Variants in MUC17 observed in about 807,000 individuals in gnomAD.
MUC17 encodes mucin 17, cell surface associated, also known as mucin-17.
A neutral mutation model predicts 170.3 loss-of-function variants in MUC17; 190 were observed. The observed-to-expected ratio is 1.12, with a 90% CI of 0.99 to 1.26. The LOEUF is 1.26. Ranked by LOEUF, MUC17 falls within the 50% of genes most tolerant of loss-of-function variation. The pLI, the probability that MUC17 is intolerant of heterozygous loss-of-function variation, is 0.00. For synonymous variants in MUC17, 2,325 were observed against 2,002.5 expected (o/e 1.16, Z -4.30); for missense variants, 6,415 against 5,530.0 (o/e 1.16, Z -5.08).
rs377106802 is a variant in MUC17, at chr7:101,040,053, G to T, written c.8637G>T (p.Thr2879=). 2.5e-6 allele frequency: 4 copies of T among 1,613,040 alleles called. No individual in the cohort carries two copies. The South Asian group carries it at 4.4e-5, about 18-fold the overall frequency. ...TAACAAGTATACCTGTCAGCACCAC[G>T]CCGGTGGCCAGTTCTGAGGCTAGCA... ...TLLTSIPVST[T]PVASSEASTL... Residue 2879 remains threonine, a synonymous_variant, in exon 3 of 13, where the codon ACG becomes ACT. Transcript: ENST00000306151.
chr7:101,033,866 C>T lies in MUC17; in HGVS notation c.2450C>T (p.Pro817Leu), dbSNP rs771842676. 180 of 1,608,544 alleles carry T rather than the reference C, an allele frequency of 1.1e-4. No homozygotes were observed. Among genetic ancestry groups the T allele is most frequent in the Admixed American group, 1.7e-4 (10 of 59,548 alleles). Reference protein sequence around the residue: ...LLTSIPVSITPVTSPEASTLS... With the variant: ...LLTSIPVSITLVTSPEASTLS... ...ACAAGTATACCTGTCAGCATCACAC[C>T]GGTGACCAGTCCTGAGGCTAGCACC... The change falls in exon 3 of 13, where the codon CCG becomes CTG. Residue 817 changes from proline to leucine, a missense_variant. Transcript: ENST00000306151.
Position 101,043,210 on chromosome 7 carries a change from G to T in MUC17, c.11794G>T (p.Gly3932Ter). Residue 3932 changes from glycine (G) to a stop codon, truncating the protein, a stop_gained, in exon 3 of 13, where the codon GGA becomes TGA. Coordinates refer to ENST00000306151, the MANE Select transcript of MUC17 (RefSeq NM_001040105.2). LOFTEE classifies it high-confidence loss of function. ...CATATCTGTATCAGTGATCACAGAA[G>T]GAAGCACACCTGGGACAACCATTTT... The part of the protein sequence containing the change: ...TTISVSVITE[G>*]STPGTTIFIP... 6.2e-7 allele frequency: 1 copy of T among 1,614,100 alleles called. No homozygotes were observed.
At position 101,058,088 on chromosome 7, in the gene MUC17, G is replaced by A. The variant is rs1239344573; in HGVS notation, c.*44G>A. On this transcript the variant is annotated 3_prime_UTR_variant, in exon 13 of 13. Coordinates refer to ENST00000306151, the MANE Select transcript of MUC17 (RefSeq NM_001040105.2). ...CTGGGAGTGAGGAGATCCCAGTCCG[G>A]CTAAGCTTGGTGGAGCATTTTCCCA... The A allele has an allele frequency of 1.9e-6, 3 of 1,585,730 alleles. No homozygotes were observed. The highest frequency in any genetic ancestry group is 2.6e-6 in the Non-Finnish European group (3 of 1,155,256).
Position 101,033,257 on chromosome 7 carries a change from C to A in MUC17, c.1841C>A (p.Ala614Asp). The part of the protein sequence containing the change: ...SSEASSSSTT[A>D]EGTSMPTSTY... Reference sequence around the variant, plus strand: ...GAAGCTAGTTCATCTTCTACAACTGCTGAAGGTACCAGCATGCCAACCTCA... The same window carrying A: ...GAAGCTAGTTCATCTTCTACAACTGATGAAGGTACCAGCATGCCAACCTCA... The change falls in exon 3 of 13, where the codon GCT becomes GAT. Residue 614 changes from alanine to aspartate, a missense_variant. By Grantham distance (126) the Ala-to-Asp change is moderately radical (BLOSUM62 -2). Coordinates refer to ENST00000306151, the MANE Select transcript of MUC17 (RefSeq NM_001040105.2). 1 of 1,614,148 alleles carries A rather than the reference C, an allele frequency of 6.2e-7. No homozygotes were observed. Among genetic ancestry groups the A allele is most frequent in the Non-Finnish European group, 8.5e-7 (1 of 1,180,026 alleles).
rs1388654088 is a variant in MUC17, at chr7:101,043,820, G to C, written c.12403+1G>C. 1 of 1,581,332 alleles carries C rather than the reference G, an allele frequency of 6.3e-7. No individual in the cohort carries two copies. The highest frequency in any genetic ancestry group is 8.6e-7 in the Non-Finnish European group (1 of 1,163,660). On this transcript the variant is annotated splice_donor_variant, in intron 3 of 12. Coordinates refer to ENST00000306151, the MANE Select transcript of MUC17 (RefSeq NM_001040105.2). LOFTEE classifies it high-confidence loss of function. The stretch of plus-strand genomic sequence containing the variant: ...CCTACTGTGCCAAGAACCACAACAT[G>C]TAAGTGATTTCTTGAATTTTCCTTT...
rs373676381 is a variant in MUC17, at chr7:101,033,850, C to T, written c.2434C>T (p.Pro812Ser). The T allele has an allele frequency of 1.2e-6, 2 of 1,613,516 alleles. No homozygotes were observed. The highest frequency in any genetic ancestry group is 2.7e-5 in the African/African-American group (2 of 74,694). Residue 812 changes from proline (P) to serine (S), a missense_variant, in exon 3 of 13, where the codon CCT (proline) becomes TCT (serine). Coordinates refer to ENST00000306151, the MANE Select transcript of MUC17 (RefSeq NM_001040105.2). ...SEGSPLLTSI[P>S]VSITPVTSPE... ...AGGAAGTCCTTTATTAACAAGTATA[C>T]CTGTCAGCATCACACCGGTGACCAG... is the stretch of plus-strand genomic sequence containing the variant.
rs147089389 is a variant in MUC17, at chr7:101,038,786, C to G, written c.7370C>G (p.Pro2457Arg). The G allele has an allele frequency of 1.2e-6, 2 of 1,612,386 alleles. No individual in the cohort carries two copies. Among genetic ancestry groups the G allele is most frequent in the African/African-American group, 2.7e-5 (2 of 74,718 alleles). The change falls in exon 3 of 13, where the codon CCG becomes CGG. Residue 2457 changes from proline to arginine, a missense_variant. Physicochemically the swap from Pro to Arg is moderately radical, Grantham distance 103. Coordinates refer to ENST00000306151, the MANE Select transcript of MUC17 (RefSeq NM_001040105.2). ...PTSPPSEGTT[P>R]LASMPVSTTP... is the part of the protein sequence containing the mutation. ...TCACCTCCTAGTGAAGGAACCACTC[C>G]GTTAGCAAGTATGCCTGTCAGCACC...
rs201028335 is a variant in MUC17, at chr7:101,020,159, G to T, written c.24G>T (p.Ala8=). The T allele has an allele frequency of 4.4e-6, 7 of 1,607,698 alleles. No individual in the cohort carries two copies. The East Asian group carries it at 1.6e-4, about 36-fold the overall frequency. Residue 8 remains alanine, a synonymous_variant, in exon 1 of 13, where the codon GCG becomes GCT. Transcript: ENST00000306151. MPRPGTM[A]LCLLTLVLSL... ...CGATGCCAAGGCCAGGGACCATGGCGCTGTGTCTGCTGACCTTGGTCCTCT... is the reference window on the plus strand; with the variant it reads ...CGATGCCAAGGCCAGGGACCATGGCTCTGTGTCTGCTGACCTTGGTCCTCT...
chr7:101,033,129 A>C lies in MUC17; in HGVS notation c.1713A>C (p.Pro571=). Residue 571 remains proline (P), a synonymous_variant, in exon 3 of 13, where the codon CCA becomes CCC. Transcript: ENST00000306151. ...CAACTCCTAGTGAAGGAAGCACTCC[A>C]TTAACAAACATGCCTGTCAGCACCA... ...PTSTPSEGST[P]LTNMPVSTRL... is the part of the protein sequence containing the mutation. 6.2e-7 allele frequency: 1 copy of C among 1,612,044 alleles called. No homozygotes were observed.
chr7:101,032,746 A>G lies in MUC17; in HGVS notation c.1330A>G (p.Thr444Ala), dbSNP rs1794329080. The G allele has an allele frequency of 6.2e-7, 1 of 1,613,830 alleles. No homozygotes were observed. The highest frequency in any genetic ancestry group is 8.5e-7 in the Non-Finnish European group (1 of 1,179,960). ...AACTGCTGAAGATACCAGCATTGCA[A>G]CCTCAACTCCTAGTGAAGGAAGCAC... Reference protein sequence around the residue: ...PTTAEDTSIATSTPSEGSTPL... With the variant: ...PTTAEDTSIAASTPSEGSTPL... The change falls in exon 3 of 13, where the codon ACC (threonine) becomes GCC (alanine). Residue 444 changes from threonine (T) to alanine (A), a missense_variant. Thr to Ala is a moderately conservative substitution (Grantham distance 58). Transcript: ENST00000306151.
intron 1 of MUC17, among the ~76,000 whole-genome samples, chr7:101,027,098 G>C (rs938831907): frequency 1.3e-5 from 2 of 152,136 alleles, no homozygotes; most frequent in African/African-American, 4.8e-5. Flanking sequence ...GGAGGCCGAG[G>C]CTGGAGGATC....
rs754878022 is a variant in MUC17 at position 101,036,361 on chromosome 7, A to G, written c.4945A>G (p.Ser1649Gly). Residue 1649 changes from serine to glycine, a missense_variant, in exon 3 of 13, where the codon AGC becomes GGC. Transcript: ENST00000306151. Reference protein sequence around the residue: ...STTPVASPEASTLSTTPVDSN... With the variant: ...STTPVASPEAGTLSTTPVDSN... ...CACGCCGGTGGCCAGTCCTGAGGCTAGCACCCTTTCAACAACTCCTGTTGA... is the reference window on the plus strand; with the variant it reads ...CACGCCGGTGGCCAGTCCTGAGGCTGGCACCCTTTCAACAACTCCTGTTGA... 1 of 1,613,400 alleles carries G rather than the reference A, an allele frequency of 6.2e-7. No individual in the cohort carries two copies. The highest frequency in any genetic ancestry group is 8.5e-7 in the Non-Finnish European group (1 of 1,179,744).
Position 101,033,937 on chromosome 7 carries a change from A to T in MUC17, c.2521A>T (p.Thr841Ser). The T allele has an allele frequency of 6.2e-7, 1 of 1,613,746 alleles. No homozygotes were observed. Among genetic ancestry groups the T allele is most frequent in the Non-Finnish European group, 8.5e-7 (1 of 1,179,846 alleles). ...VDSNSPVTTS[T>S]EVSSSPTPAE... is the part of the protein sequence containing the mutation. ...CTCCAACAGTCCTGTGACCACTTCT[A>T]CTGAAGTCAGTTCATCTCCTACACC... The change falls in exon 3 of 13, where the codon ACT becomes TCT. Residue 841 changes from threonine (T) to serine (S), a missense_variant. Transcript: ENST00000306151.
chr7:101,020,196 C>G lies in MUC17; in HGVS notation c.61C>G (p.Pro21Ala). The G allele has an allele frequency of 6.2e-7, 1 of 1,609,906 alleles. No individual in the cohort carries two copies. The highest frequency in any genetic ancestry group is 8.5e-7 in the Non-Finnish European group (1 of 1,178,184). The change falls in exon 1 of 13, where the codon CCA becomes GCA. Residue 21 changes from proline to alanine, a missense_variant. Coordinates refer to ENST00000306151, the MANE Select transcript of MUC17 (RefSeq NM_001040105.2). ...GACCTTGGTCCTCTCGCTCTTGCCC[C>G]CACAAGCTGCTGCAGAACAGGGTGA... is the stretch of plus-strand genomic sequence containing the variant. ...LLTLVLSLLP[P>A]QAAAEQDLSV...
At chr7:101,025,414 G>C (rs1346205811) in intron 1 of MUC17, among the ~76,000 whole-genome samples, 1 of 151,278 alleles carries the variant, frequency 6.6e-6, no homozygotes, top group African/African-American at 2.4e-5. Flanking sequence ...TGTAATCCCA[G>C]CACTTTGGGA....
Position 101,039,950 on chromosome 7 carries a change from C to G in MUC17, c.8534C>G (p.Thr2845Ser). The G allele has an allele frequency of 6.2e-7, 1 of 1,613,570 alleles. No individual in the cohort carries two copies. The highest frequency in any genetic ancestry group is 1.7e-5 in the Admixed American group (1 of 59,820). Reference protein sequence around the residue: ...VDTSTPVTTSTKASSSPTTAE... With the variant: ...VDTSTPVTTSSKASSSPTTAE... ...ACCAGCACACCTGTGACCACTTCTACTAAAGCCAGTTCATCTCCTACAACT... is the reference window on the plus strand; with the variant it reads ...ACCAGCACACCTGTGACCACTTCTAGTAAAGCCAGTTCATCTCCTACAACT... The change falls in exon 3 of 13, where the codon ACT becomes AGT. Residue 2845 changes from threonine to serine, a missense_variant. By Grantham distance (58) the Thr-to-Ser change is moderately conservative. Coordinates refer to ENST00000306151, the MANE Select transcript of MUC17 (RefSeq NM_001040105.2).
Position 101,053,125 on chromosome 7 carries a change from C to A in MUC17, c.13243C>A (p.Arg4415Ser). The change falls in exon 10 of 13, where the codon CGC (arginine) becomes AGC (serine). Residue 4415 changes from arginine to serine, a missense_variant. Transcript: ENST00000306151. ...ILVALLMLVFRSKREVKRQKY... is the reference protein window; with the variant it reads ...ILVALLMLVFSSKREVKRQKY... The stretch of plus-strand genomic sequence containing the variant: ...GGTAGCTCTCCTGATGCTCGTTTTC[C>A]GCTCCAAGAGAGAGGTGAAACGGTG... 6.2e-7 allele frequency: 1 copy of A among 1,613,890 alleles called. No homozygotes were observed.
Position 101,040,515 on chromosome 7 carries a change from T to C in MUC17, c.9099T>C (p.Gly3033=), listed in dbSNP as rs779163536. The change falls in exon 3 of 13, where the codon GGT becomes GGC. Residue 3033 remains glycine, a synonymous_variant. Coordinates refer to ENST00000306151, the MANE Select transcript of MUC17 (RefSeq NM_001040105.2). ...GTTCCTCTCCTACAACTGCTGAAGG[T>C]ACCGGCATACCAATCTCAACTCCTA... The part of the protein sequence containing the change: ...EASSSPTTAE[G]TGIPISTPSE... 6.2e-7 allele frequency: 1 copy of C among 1,611,256 alleles called. No individual in the cohort carries two copies. Among genetic ancestry groups the C allele is most frequent in the South Asian group, 1.1e-5 (1 of 90,908 alleles).
Position 101,032,971 on chromosome 7 carries a change from A to G in MUC17, c.1555A>G (p.Ser519Gly), listed in dbSNP as rs754972314. The G allele has an allele frequency of 5.6e-6, 9 of 1,614,208 alleles. No individual in the cohort carries two copies. Among genetic ancestry groups the G allele is most frequent in the Non-Finnish European group, 7.6e-6 (9 of 1,180,042 alleles). The stretch of plus-strand genomic sequence containing the variant: ...CACTCCATTAACAAGTATGTCTGTC[A>G]GCACCATGCCGGTGGCCAGTTCTGA... ...GSTPLTSMSV[S>G]TMPVASSEAS... The change falls in exon 3 of 13, where the codon AGC becomes GGC. Residue 519 changes from serine to glycine, a missense_variant. Transcript: ENST00000306151.
Sources: allele counts gnomAD v4.1 joint callset (sites outside exome capture counted in the v4.1 genomes callset), GRCh38; gene constraint gnomAD v4.1.1; transcripts MANE v1.5; gene names NCBI Gene and HGNC (gene_info 2026-07-23, HGNC 2026-07-21).